The following CBR4 variants were observed in gnomAD, a reference collection of about 807,000 sequenced individuals.
The protein encoded by CBR4 is carbonyl reductase 4, also known as 3-oxoacyl-[acyl-carrier-protein] reductase.
CBR4 carries 22 observed loss-of-function variants against 21.0 expected under a neutral mutation model. The observed-to-expected ratio is 1.05, with a 90% CI of 0.75 to 1.50. The LOEUF (loss-of-function observed/expected upper bound fraction) is 1.50, where lower values mean the gene tolerates loss of function less well. Ranked by LOEUF, CBR4 falls within the 40% of genes most tolerant of loss-of-function variation. The probability of loss-of-function intolerance (pLI) is 0.00; values close to 1 mark genes in which losing one functional copy is unlikely to be tolerated. For missense variants in CBR4, 302 were observed against 286.3 expected (o/e 1.05, Z -0.40); for synonymous variants, 100 against 104.4 (o/e 0.96, Z 0.26).
intron 2 of CBR4, among the ~76,000 whole-genome samples, chr4:168,918,974 T>A (rs1273512635): frequency 6.6e-6 from 1 of 152,160 alleles, no homozygotes; most frequent in Non-Finnish European, 1.5e-5. Context: ...CTGAGCTATA[T>A]GGGGGTAATG....
intron 2 of CBR4, among the ~76,000 whole-genome samples, chr4:168,906,676 G>A (rs1757869576): frequency 6.6e-6 from 1 of 152,180 alleles, no homozygotes; most frequent in South Asian, 2.1e-4. Flanking sequence ...CCAGGCTGGA[G>A]TACAGTGGCA....
At chr4:168,962,461 C>T (rs1295393460) in intron 2 of CBR4, among the ~76,000 whole-genome samples, 4 of 152,054 alleles carry the variant, frequency 2.6e-5, no homozygotes, top group African/African-American at 4.8e-5. Flanking sequence ...AGTAAATGTA[C>T]GGGATGGAAG....
At chr4:168,973,721 G>T (rs993479443) in intron 2 of CBR4, among the ~76,000 whole-genome samples, 5 of 152,084 alleles carry the variant, frequency 3.3e-5, no homozygotes, top group Admixed American at 2.6e-4. Flanking sequence ...TCTTAATCTC[G>T]CTACTTGTTA....
intron 2 of CBR4, among the ~76,000 whole-genome samples, chr4:168,972,658 A>T (rs893312335): frequency 3.3e-5 from 5 of 152,196 alleles, no homozygotes; most frequent in Non-Finnish European, 7.3e-5. Flanking sequence ...TGAGTTCATT[A>T]TCAGATCTAG....
chr4:168,920,338 C>T (rs967973326), intron 2 of CBR4, among the ~76,000 whole-genome samples: 8 of 152,222 alleles, frequency 5.3e-5, no homozygotes, highest in Non-Finnish European at 4.4e-5. Flanking sequence ...CCCTTTGCTA[C>T]ATGTGTGGTG....
downstream of CBR4, among the ~76,000 whole-genome samples, chr4:168,986,548 G>A (rs1764697331): frequency 6.6e-6 from 1 of 152,106 alleles, no homozygotes; most frequent in Non-Finnish European, 1.5e-5. Context: ...TCGGTTTTTT[G>A]TTGTTTTTTT....
chr4:169,001,912 AC>A (rs914557738), intron 4 of CBR4, 158 bp downstream of exon 4: 3 of 584,990 alleles, frequency 5.1e-6, no homozygotes, highest in East Asian at 6.6e-5. Context: ...AATATGAGGT[AC>A]AAAAAATTTT....
intron 1 of CBR4, chr4:169,009,074 A>AG (rs1731165741): frequency 6.7e-6 from 3 of 449,686 alleles, no homozygotes; most frequent in Non-Finnish European, 1.3e-5. Context: ...AAAAAAAAAA[A>AG]AAACCAGATA....
intron 2 of CBR4, among the ~76,000 whole-genome samples, chr4:168,941,291 G>A (rs572822804): frequency 2.2e-4 from 33 of 152,180 alleles, no homozygotes; most frequent in South Asian, 4.1e-4. Flanking sequence ...AAACCTGCAC[G>A]TTCTGATGTA....
chr4:168,993,212 CTT>C (rs150721961), intron 4 of CBR4, among the ~76,000 whole-genome samples: 51 of 139,266 alleles, frequency 3.7e-4, no homozygotes, highest in Non-Finnish European at 3.6e-4. Context: ...ATGTATTTTC[CTT>C]TTTTTTTTTT....
downstream of CBR4, among the ~76,000 whole-genome samples, chr4:168,982,945 A>C (rs1764584562): frequency 2.0e-5 from 3 of 152,268 alleles, no homozygotes; most frequent in East Asian, 5.8e-4. Flanking sequence ...TCACAGCACT[A>C]AATGCCCACA....
chr4:168,909,365 CCATATTACATAAATA>C (rs1758441443), intron 2 of CBR4, among the ~76,000 whole-genome samples: 2 of 152,094 alleles, frequency 1.3e-5, no homozygotes, highest in Non-Finnish European at 2.9e-5. Flanking sequence ...AATGTTATTT[CCATATTACATAAATA>C]ATTGGCCTTG....
In CBR4 at chr4:168,959,566, T is replaced by TTC. The variant is rs1560964125; in HGVS notation, n.169+42504_169+42505insGA. Reference sequence around the variant, plus strand: ...TTAAATCAGCTTATCAATTTCTTTTTTTTTTTTTTTTTTTTTGGAGATAGA... The same window carrying TTC: ...TTAAATCAGCTTATCAATTTCTTTTTTCTTTTTTTTTTTTTTTTGGAGATAGA... On this transcript the variant is annotated intron_variant and non_coding_transcript_variant, in intron 2 of 3. Transcript: ENST00000509108. 8.3e-4 allele frequency among the ~76,000 whole-genome samples: 123 copies of TTC among 147,930 alleles called. 2 individuals carry two copies. Among genetic ancestry groups the TTC allele is most frequent in the African/African-American group, 2.9e-3 (118 of 40,084 alleles).
chr4:168,970,533 T>C (rs935235194), intron 2 of CBR4, among the ~76,000 whole-genome samples: 3 of 152,176 alleles, frequency 2.0e-5, no homozygotes, highest in African/African-American at 7.2e-5. Context: ...TGGTATTTGG[T>C]TACATGGATA....
rs184106989 is a variant in CBR4 at position 168,928,009 on chromosome 4, T to C, written n.170-33244A>G. ...ATATCTGTGTACCACCCCATATATT[T>C]CATATTACTGTTTCACATGTACAGC... is the stretch of plus-strand genomic sequence containing the variant. On this transcript the variant is annotated intron_variant and non_coding_transcript_variant, in intron 2 of 3. Coordinates refer to the CBR4 transcript ENST00000509108. 111 of 195,584 alleles carry C rather than the reference T, an allele frequency of 5.7e-4. 1 individual carries two copies. The East Asian group carries it at 6.1e-3, about 11-fold the overall frequency. The allele number at this position is 195,584 out of a possible 1,614,324, so 12.1% of individuals were successfully genotyped here. A position where few individuals can be genotyped will look rare whatever the true frequency, so the allele number is the denominator to read the frequency against.
In CBR4 at chr4:168,990,182, C is replaced by A. The variant is rs115240450; in HGVS notation, c.682G>T (p.Val228Leu). Residue 228 changes from valine (V) to leucine (L), a missense_variant, in exon 5 of 5, where the codon GTA becomes TTA. Coordinates refer to ENST00000306193, the MANE Select transcript of CBR4 (RefSeq NM_032783.5). ...ATGAGTTGTAATCCCCCATCCACTA[C>A]CAGAACATGCCCTGTAATATACGGT... ...ESPYITGHVL[V>L]VDGGLQLIL is the part of the protein sequence containing the mutation. 1.9e-6 allele frequency: 3 copies of A among 1,609,358 alleles called. No homozygotes were observed. The highest frequency in any genetic ancestry group is 2.5e-6 in the Non-Finnish European group (3 of 1,177,966).
chr4:168,984,876 T>C (rs911459590), downstream of CBR4, among the ~76,000 whole-genome samples: 1 of 152,152 alleles, frequency 6.6e-6, no homozygotes, highest in African/African-American at 2.4e-5. Context: ...AAATTGAAAC[T>C]GAACCCCTGC....
chr4:168,902,302 GACA>G (rs1756689286), intron 2 of CBR4, among the ~76,000 whole-genome samples: 1 of 149,954 alleles, frequency 6.7e-6, no homozygotes, highest in African/African-American at 2.5e-5. Context: ...AACAAAAAAT[GACA>G]ACAAATAACT....
At chr4:168,898,793 GAGAA>G in intron 2 of CBR4, 3 of 882,858 alleles carry the variant, frequency 3.4e-6, no homozygotes, top group Non-Finnish European at 3.8e-6. Context: ...ATGCCAGTAG[GAGAA>G]AGAGATACAA....
Sources: allele counts gnomAD v4.1 joint callset (sites outside exome capture counted in the v4.1 genomes callset), GRCh38; gene constraint gnomAD v4.1.1; transcripts MANE v1.5; gene names NCBI Gene and HGNC (gene_info 2026-07-23, HGNC 2026-07-21).